Variants in FBXO33 observed in about 807,000 individuals in gnomAD.
FBXO33 encodes F-box protein 33.
In FBXO33, 22 loss-of-function variants were observed where a neutral mutation model predicts 46.3. The observed-to-expected ratio is 0.48, with a 90% CI of 0.34 to 0.68. FBXO33 has a LOEUF of 0.68. Among genes scored for constraint, FBXO33 ranks in the 30% least tolerant of loss-of-function variants. FBXO33 has a pLI of 0.01. For synonymous variants in FBXO33, 337 were observed against 291.3 expected (o/e 1.16, Z -1.60); for missense variants, 692 against 708.8 (o/e 0.98, Z 0.27).
chr14:39,400,152 C>T (rs2075362126), intron 3 of FBXO33, among the ~76,000 whole-genome samples: 1 of 152,154 alleles, frequency 6.6e-6, no homozygotes, highest in South Asian at 2.1e-4. Flanking sequence ...TTCATATATG[C>T]ATGTATCTGT....
At chr14:39,430,866 C>CT (rs1188712116) in intron 1 of FBXO33, among the ~76,000 whole-genome samples, 1 of 152,088 alleles carries the variant, frequency 6.6e-6, no homozygotes, top group Non-Finnish European at 1.5e-5. Flanking sequence ...CAGTTATGTG[C>CT]TTACCCTCTG....
chr14:39,420,916 T>C (rs1383156722), intron 1 of FBXO33, among the ~76,000 whole-genome samples: 1 of 152,130 alleles, frequency 6.6e-6, no homozygotes, highest in Non-Finnish European at 1.5e-5. Context: ...ATAGAAATAA[T>C]AGAGAAGCCT....
At chr14:39,427,927 G>A (rs2075523858) in intron 1 of FBXO33, among the ~76,000 whole-genome samples, 1 of 152,136 alleles carries the variant, frequency 6.6e-6, no homozygotes, top group South Asian at 2.1e-4. Flanking sequence ...CTGAGTCACA[G>A]AGCAAGACTC....
chr14:39,422,371 T>A lies in FBXO33; in HGVS notation c.599+9193A>T, dbSNP rs2075489447. On this transcript the variant is annotated intron_variant, in intron 1 of 3. Coordinates refer to ENST00000298097, the MANE Select transcript of FBXO33 (RefSeq NM_203301.4). ...CTTCTTGCCTGGATTACTGCAACAATCTCCTAACTCTGCTCATTGCTTCCA... is the reference window on the plus strand; with the variant it reads ...CTTCTTGCCTGGATTACTGCAACAAACTCCTAACTCTGCTCATTGCTTCCA... Among the ~76,000 whole-genome samples the A allele has an allele frequency of 2.6e-5, 4 of 152,198 alleles. No homozygotes were observed. In the South Asian group the frequency reaches 8.3e-4, roughly 31 times the overall value.
At chr14:39,421,480 T>G (rs983860344) in intron 1 of FBXO33, among the ~76,000 whole-genome samples, 1 of 152,154 alleles carries the variant, frequency 6.6e-6, no homozygotes, top group Non-Finnish European at 1.5e-5. Context: ...ACATATGGAC[T>G]TCATATGAGT....
intron 1 of FBXO33, among the ~76,000 whole-genome samples, chr14:39,410,245 G>A (rs2075416600): frequency 6.6e-6 from 1 of 152,150 alleles, no homozygotes. Flanking sequence ...GCTATATCAT[G>A]AAAGAATGTT....
Position 39,432,164 on chromosome 14 carries a change from A to T in FBXO33, c.-2T>A. ...CGGCACTGACAAGAACAACAACATC[A>T]ATGACTAGGAAGAAGGGGGCGGAAC... On this transcript the variant is annotated 5_prime_UTR_variant, in exon 1 of 4. Transcript: ENST00000298097. 1 of 1,231,608 alleles carries T rather than the reference A, an allele frequency of 8.1e-7. No individual in the cohort carries two copies. Among genetic ancestry groups the T allele is most frequent in the Non-Finnish European group, 1.0e-6 (1 of 986,040 alleles). The allele number at this position is 1,231,608 out of a possible 1,614,324, so 76.3% of individuals were successfully genotyped here.
chr14:39,424,845 G>C (rs2075503178), intron 1 of FBXO33, among the ~76,000 whole-genome samples: 1 of 152,124 alleles, frequency 6.6e-6, no homozygotes, highest in Non-Finnish European at 1.5e-5. Flanking sequence ...ATGAGGTTGG[G>C]AGATTGAGAC....
At chr14:39,425,393 CAGCTAAGAAGAAT>C (rs1386363516) in intron 1 of FBXO33, among the ~76,000 whole-genome samples, 24 of 152,300 alleles carry the variant, frequency 1.6e-4, no homozygotes, top group African/African-American at 5.3e-4. Flanking sequence ...AGAGTTATTA[CAGCTAAGAAGAAT>C]TAGTTATGGA....
Position 39,431,958 on chromosome 14 carries a change from C to A in FBXO33, c.205G>T (p.Ala69Ser). 1 of 1,528,660 alleles carries A rather than the reference C, an allele frequency of 6.5e-7. No individual in the cohort carries two copies. Among genetic ancestry groups the A allele is most frequent in the Non-Finnish European group, 8.7e-7 (1 of 1,143,966 alleles). 94.7% of individuals were successfully genotyped at this position (1,528,660 alleles called of 1,614,324 possible). ...MALCGQAAGAASLPSELIVHI... is the reference protein window; with the variant it reads ...MALCGQAAGASSLPSELIVHI... ...ACGATCAGCTCGCTGGGCAGCGACG[C>A]AGCGCCCGCCGCCTGCCCGCACAGA... is the stretch of plus-strand genomic sequence containing the variant. The change falls in exon 1 of 4, where the codon GCG (alanine) becomes TCG (serine). Residue 69 changes from alanine to serine, a missense_variant. This residue lies in a region of FBXO33 where 412 missense variants were observed against 370.8 expected (regional missense o/e 1.11). Transcript: ENST00000298097.
intron 1 of FBXO33, among the ~76,000 whole-genome samples, chr14:39,416,238 C>A (rs2075448080): frequency 6.6e-6 from 1 of 150,658 alleles, no homozygotes. Flanking sequence ...TTGCTGGGTA[C>A]ACTATTCTTG....
intron 1 of FBXO33, among the ~76,000 whole-genome samples, chr14:39,428,620 G>A (rs910194395): frequency 5.3e-5 from 8 of 152,094 alleles, no homozygotes; most frequent in South Asian, 2.1e-4. Flanking sequence ...TGAAGACAAT[G>A]TGCCTATGGC....
intron 1 of FBXO33, among the ~76,000 whole-genome samples, chr14:39,417,627 T>C (rs910318341): frequency 1.3e-5 from 2 of 151,818 alleles, no homozygotes; most frequent in South Asian, 4.2e-4. Context: ...ACCTCCTGGG[T>C]TCAAGCAATT....
At chr14:39,411,537 C>G (rs1167844493) in intron 1 of FBXO33, among the ~76,000 whole-genome samples, 2 of 124,482 alleles carry the variant, frequency 1.6e-5, no homozygotes, top group Non-Finnish European at 3.5e-5. Context: ...CTTTTTTTTT[C>G]TTGAGACAAG....
Position 39,399,043 on chromosome 14 carries a change from ATAT to A in FBXO33, c.*470_*472del, listed in dbSNP as rs2075356620. ...TTCTGTTACAGATAATTCATTTGGG[ATAT>A]TATTTATCTTCCATTTGAAATCAAA... is the stretch of plus-strand genomic sequence containing the variant. On this transcript the variant is annotated 3_prime_UTR_variant, in exon 4 of 4. Transcript: ENST00000298097. 1 of 152,754 alleles carries A rather than the reference ATAT, an allele frequency of 6.5e-6. No individual in the cohort carries two copies. Among genetic ancestry groups the A allele is most frequent in the African/African-American group, 2.4e-5 (1 of 41,462 alleles). The allele number at this position is 152,754 out of a possible 1,614,324, so 9.5% of individuals were successfully genotyped here.
At chr14:39,422,131 G>A (rs1244632429) in intron 1 of FBXO33, among the ~76,000 whole-genome samples, 2 of 152,134 alleles carry the variant, frequency 1.3e-5, no homozygotes, top group Non-Finnish European at 1.5e-5. Context: ...GGTGGCGTGT[G>A]CCTGTAGTCT....
At chr14:39,399,814 G>C (rs754601767) in intron 3 of FBXO33, 27 bp from the exon 4 acceptor site, 8 of 1,489,340 alleles carry the variant, frequency 5.4e-6, no homozygotes, top group African/African-American at 2.8e-5. Context: ...AGACAACACT[G>C]TAATTTCCTT....
chr14:39,410,836 T>TAATA (rs935949318), intron 1 of FBXO33, among the ~76,000 whole-genome samples: 13 of 152,182 alleles, frequency 8.5e-5, no homozygotes, highest in Admixed American at 8.5e-4. Flanking sequence ...GAGTCTCTTA[T>TAATA]AATCTTATTG....
At chr14:39,428,952 C>A (rs1433848115) in intron 1 of FBXO33, among the ~76,000 whole-genome samples, 2 of 152,138 alleles carry the variant, frequency 1.3e-5, no homozygotes, top group Admixed American at 6.5e-5. Flanking sequence ...ATTTCTGAAA[C>A]GTGAAGGACT....
Sources: gnomAD v4.1 joint callset for allele counts (sites outside exome capture counted in the v4.1 genomes callset) on GRCh38, gnomAD v4.1.1 for gene constraint, gnomAD v4.1.1 regional missense constraint, MANE v1.5 for transcripts, NCBI Gene and HGNC (gene_info 2026-07-23, HGNC 2026-07-21) for gene names.